GTF2IRD1: variants seen among roughly 807,000 people sequenced by gnomAD.
GTF2IRD1 encodes general transcription factor II-I repeat domain-containing protein 1.
Under a neutral mutation model 113.2 loss-of-function variants are expected in GTF2IRD1, and 26 were observed. The ratio of observed to expected loss-of-function variants is 0.23; its 90% CI spans 0.17 to 0.32. GTF2IRD1 has a LOEUF of 0.32. Ranked by LOEUF, GTF2IRD1 falls within the 10% of genes least tolerant of loss-of-function variation. The pLI is 1.00. For missense variants in GTF2IRD1, 864 were observed against 1,280.8 expected (o/e 0.67, Z 4.97); for synonymous variants, 484 against 529.1 (o/e 0.91, Z 1.17).
At chr7:74,509,432 A>T (rs1796494252) in intron 2 of GTF2IRD1, among the ~76,000 whole-genome samples, 2 of 151,734 alleles carry the variant, frequency 1.3e-5, no homozygotes, top group African/African-American at 4.8e-5. Flanking sequence ...ACTCAGGAGG[A>T]TGAGGCAGGA....
At chr7:74,550,096 G>T (rs765996011) in intron 17 of GTF2IRD1, among the ~76,000 whole-genome samples, 10 of 151,966 alleles carry the variant, frequency 6.6e-5, no homozygotes, top group Non-Finnish European at 1.5e-4. Context: ...TACTCAAGAG[G>T]CAAAGAGGAG....
intron 9 of GTF2IRD1, 42 bp downstream of exon 9, chr7:74,529,959 C>T: frequency 6.6e-7 from 1 of 1,516,148 alleles, no homozygotes; most frequent in Non-Finnish European, 9.1e-7. Context: ...CCTGTAATCC[C>T]AGCACTTTGG....
Position 74,590,838 on chromosome 7 carries a change from C to A in GTF2IRD1, c.2412C>A (p.Gly804=). 6.2e-7 allele frequency: 1 copy of A among 1,602,650 alleles called. No individual in the cohort carries two copies. Among genetic ancestry groups the A allele is most frequent in the Non-Finnish European group, 8.5e-7 (1 of 1,172,280 alleles). Reference sequence around the variant, plus strand: ...TGTGCCCTCTAGGTGAGGCCCTGGGCCTGAACCGGCCGGTGCTGGTCCCTT... The same window carrying A: ...TGTGCCCTCTAGGTGAGGCCCTGGGACTGAACCGGCCGGTGCTGGTCCCTT... The part of the protein sequence containing the change: ...LFNEKYGEAL[G]LNRPVLVPYK... The change falls in exon 24 of 27, where the codon GGC becomes GGA. Residue 804 remains glycine, a synonymous_variant. Coordinates refer to ENST00000424337, the MANE Select transcript of GTF2IRD1 (RefSeq NM_005685.4).
At chr7:74,573,312 G>A (rs1554363226) in intron 22 of GTF2IRD1, among the ~76,000 whole-genome samples, 1 of 151,864 alleles carries the variant, frequency 6.6e-6, no homozygotes, top group South Asian at 2.1e-4. Flanking sequence ...TAAGGCAAGA[G>A]GCTCACTTGA....
At chr7:74,475,735 C>G (rs1360167632) in intron 1 of GTF2IRD1, among the ~76,000 whole-genome samples, 1 of 152,196 alleles carries the variant, frequency 6.6e-6, no homozygotes, top group East Asian at 1.9e-4. Flanking sequence ...GAGAAAGGGC[C>G]GGATGTGTGT....
intron 8 of GTF2IRD1, among the ~76,000 whole-genome samples, chr7:74,525,797 G>GA (rs1309799025): frequency 4.1e-5 from 6 of 147,064 alleles, no homozygotes; most frequent in Admixed American, 6.8e-5. Context: ...AATTTAAAAA[G>GA]AAAAAAAAAA....
chr7:74,490,337 G>A (rs1281753630), intron 1 of GTF2IRD1, among the ~76,000 whole-genome samples: 3 of 152,142 alleles, frequency 2.0e-5, no homozygotes, highest in South Asian at 2.1e-4. Context: ...ACCCCCTCCC[G>A]CTGCCCAGCC....
chr7:74,473,676 A>G (rs1203584620), intron 1 of GTF2IRD1, among the ~76,000 whole-genome samples: 1 of 152,020 alleles, frequency 6.6e-6, no homozygotes, highest in Non-Finnish European at 1.5e-5. Flanking sequence ...GAGGGGAGGC[A>G]GACTGAACCT....
intron 1 of GTF2IRD1, among the ~76,000 whole-genome samples, chr7:74,482,610 G>A (rs147828492): frequency 6.6e-6 from 1 of 151,982 alleles, no homozygotes; most frequent in South Asian, 2.1e-4. Flanking sequence ...AACTACCCAG[G>A]TAACCAGCAC....
At chr7:74,480,898 G>A (rs527843829) in intron 1 of GTF2IRD1, among the ~76,000 whole-genome samples, 1 of 152,274 alleles carries the variant, frequency 6.6e-6, no homozygotes. Context: ...TCCACGTGGA[G>A]GAAGGACGCC....
intron 1 of GTF2IRD1, 147 bp downstream of exon 1, chr7:74,454,323 G>C (rs1792807440): frequency 6.6e-6 from 1 of 151,106 alleles, no homozygotes; most frequent in Non-Finnish European, 1.5e-5. Context: ...CGGCTTTTGG[G>C]TGCCCGGGGA....
intron 11 of GTF2IRD1, among the ~76,000 whole-genome samples, chr7:74,537,285 T>G (rs1798353350): frequency 6.6e-6 from 1 of 151,900 alleles, no homozygotes. Flanking sequence ...CAGCGGCGCA[T>G]GCCTGTAGTC....
chr7:74,467,020 G>A (rs531767579), intron 1 of GTF2IRD1, among the ~76,000 whole-genome samples: 2 of 150,588 alleles, frequency 1.3e-5, no homozygotes, highest in African/African-American at 4.9e-5. Flanking sequence ...GCATGATCTC[G>A]GCTCACTGCA....
intron 20 of GTF2IRD1, among the ~76,000 whole-genome samples, chr7:74,558,347 CTTTTTTTTTTT>C (rs1193682168): frequency 2.8e-3 from 169 of 60,440 alleles, no homozygotes; most frequent in South Asian, 0.013. Flanking sequence ...TCTTTCGTTT[CTTTTTTTTTTT>C]TTTTTTTTTT....
rs587597585 is a variant in GTF2IRD1 at position 74,545,858 on chromosome 7, G to A, written c.1732+49G>A. 5 of 1,405,896 alleles carry A rather than the reference G, an allele frequency of 3.6e-6. No homozygotes were observed. The South Asian group carries it at 5.8e-5, about 16-fold the overall frequency. The allele number at this position is 1,405,896 out of a possible 1,614,324, so 87.1% of individuals were successfully genotyped here. On this transcript the variant is annotated intron_variant, in intron 16 of 26. Transcript: ENST00000424337. ...CTGGGGGCATCCCGGCCCCCCTCCA[G>A]CCGCCCTGTTTGCAGAAGGGCTTTG...
chr7:74,571,806 G>T (rs587694924), intron 22 of GTF2IRD1, among the ~76,000 whole-genome samples: 172 of 152,234 alleles, frequency 1.1e-3, no homozygotes, highest in African/African-American at 4.0e-3. Context: ...GGCTGTAGTG[G>T]GCTATGATTT....
chr7:74,498,432 C>T (rs1795846297), intron 1 of GTF2IRD1, among the ~76,000 whole-genome samples: 1 of 152,164 alleles, frequency 6.6e-6, no homozygotes, highest in South Asian at 2.1e-4. Flanking sequence ...CAAAACTTCT[C>T]TTTACTCATA....
chr7:74,592,178 C>T (rs1554369907), intron 24 of GTF2IRD1, among the ~76,000 whole-genome samples: 2 of 152,134 alleles, frequency 1.3e-5, no homozygotes, highest in African/African-American at 4.8e-5. Flanking sequence ...CAGCTCACTG[C>T]AACCTCCACC....
At chr7:74,468,699 TG>T (rs1793897778) in intron 1 of GTF2IRD1, among the ~76,000 whole-genome samples, 3 of 147,494 alleles carry the variant, frequency 2.0e-5, no homozygotes, top group Middle Eastern at 7.5e-3. Flanking sequence ...TGTGTGTGTG[TG>T]TGTGTGTGTG....
Sources: allele counts gnomAD v4.1 joint callset (sites outside exome capture counted in the v4.1 genomes callset), GRCh38; gene constraint gnomAD v4.1.1; transcripts MANE v1.5; gene names NCBI Gene and HGNC (gene_info 2026-07-23, HGNC 2026-07-21).